ZSWIM5: variants seen among roughly 807,000 people sequenced by gnomAD.
ZSWIM5 encodes the protein zinc finger SWIM domain-containing protein 5.
ZSWIM5 carries 55 observed loss-of-function variants against 119.6 expected under a neutral mutation model. That is an observed-to-expected ratio of 0.46 (90% CI 0.37 to 0.58). ZSWIM5 has a LOEUF of 0.58. Among genes scored for constraint, ZSWIM5 ranks in the 20% least tolerant of loss-of-function variants. The pLI, the probability that ZSWIM5 is intolerant of heterozygous loss-of-function variation, is 0.00. For synonymous variants in ZSWIM5, 537 were observed against 606.9 expected, an observed-to-expected ratio of 0.88 and a Z score of 1.69; for missense variants, 1,193 against 1,512.8, an observed-to-expected ratio of 0.79 and a Z score of 3.51.
intron 1 of ZSWIM5, among the ~76,000 whole-genome samples, chr1:45,183,379 G>A (rs976579994): frequency 3.3e-5 from 5 of 151,836 alleles, no homozygotes; most frequent in Admixed American, 2.6e-4. Context: ...ACTAGCAGAA[G>A]GCAAGAAATA....
intron 1 of ZSWIM5, among the ~76,000 whole-genome samples, chr1:45,122,929 C>T (rs1385142240): frequency 6.6e-6 from 1 of 152,084 alleles, no homozygotes; most frequent in Non-Finnish European, 1.5e-5. Context: ...CAGATGAAGC[C>T]CAGTGGAAAA....
At chr1:45,028,625 A>G (rs7524004) in intron 11 of ZSWIM5, among the ~76,000 whole-genome samples, 150,709 of 152,080 alleles carry the variant, frequency 0.99, 74,691 homozygotes, top group Middle Eastern at 1. Flanking sequence ...GCATGGTGGC[A>G]GGCACCTGTA....
chr1:45,062,239 A>G (rs1357323389), intron 2 of ZSWIM5, among the ~76,000 whole-genome samples: 2 of 152,218 alleles, frequency 1.3e-5, no homozygotes, highest in South Asian at 2.1e-4. Context: ...TGGTCATGCC[A>G]TAGGTTACAA....
At chr1:45,129,990 C>T (rs578031960) in intron 1 of ZSWIM5, among the ~76,000 whole-genome samples, 158 of 152,182 alleles carry the variant, frequency 1.0e-3, no homozygotes, top group Non-Finnish European at 1.8e-3. Context: ...CTCCGCCTCC[C>T]GGGTTCAAGT....
At chr1:45,067,548 A>G (rs994774335) in intron 2 of ZSWIM5, among the ~76,000 whole-genome samples, 1 of 152,218 alleles carries the variant, frequency 6.6e-6, no homozygotes, top group African/African-American at 2.4e-5. Flanking sequence ...CAGAGATCAT[A>G]TAAAATAAGA....
At chr1:45,059,598 G>T (rs888657284) in intron 3 of ZSWIM5, among the ~76,000 whole-genome samples, 28 of 152,062 alleles carry the variant, frequency 1.8e-4, no homozygotes, top group Admixed American at 1.8e-3. Flanking sequence ...GGTGATGGTT[G>T]CATATAACTA....
intron 2 of ZSWIM5, among the ~76,000 whole-genome samples, chr1:45,076,465 T>G (rs1050501588): frequency 6.6e-6 from 1 of 152,216 alleles, no homozygotes; most frequent in Non-Finnish European, 1.5e-5. Context: ...GAGTTTCCAC[T>G]GAGAAGTCTG....
chr1:45,058,070 T>G (rs542167358), intron 4 of ZSWIM5, among the ~76,000 whole-genome samples: 134 of 152,270 alleles, frequency 8.8e-4, no homozygotes, highest in Middle Eastern at 3.4e-3. Flanking sequence ...AAATGGTCAG[T>G]GGACATCTAC....
rs140690848 is a variant in ZSWIM5 at position 45,035,717 on chromosome 1, C to A, written c.2262G>T (p.Leu754=). Residue 754 remains leucine (L), a synonymous_variant, in exon 10 of 14, where the codon CTG becomes CTT. Coordinates refer to ENST00000359600, the MANE Select transcript of ZSWIM5 (RefSeq NM_020883.2). ...FSALLPHDPD[L]SYKLALRAMR... ...TGGCACGTAAGGCTAATTTATAGGA[C>A]AGGTCTGGATCATGAGGCAGCAGAG... 1.2e-6 allele frequency: 2 copies of A among 1,613,846 alleles called. No individual in the cohort carries two copies.
At chr1:45,193,828 G>A (rs1274391732) in intron 1 of ZSWIM5, among the ~76,000 whole-genome samples, 1 of 152,016 alleles carries the variant, frequency 6.6e-6, no homozygotes, top group Non-Finnish European at 1.5e-5. Flanking sequence ...AACAACCTAT[G>A]AAGTAGGTAC....
intron 1 of ZSWIM5, 135 bp downstream of exon 1, chr1:45,205,621 G>C: frequency 1.0e-6 from 1 of 960,420 alleles, no homozygotes; most frequent in Non-Finnish European, 1.4e-6. Context: ...AAAAGTTTTT[G>C]TGACTTGTTC....
chr1:45,092,543 C>A (rs1017382216), intron 1 of ZSWIM5, among the ~76,000 whole-genome samples: 2 of 94,856 alleles, frequency 2.1e-5, no homozygotes, highest in African/African-American at 7.7e-5. Flanking sequence ...GATCCACCCC[C>A]CCCCCCCCGC....
In ZSWIM5 at chr1:45,058,639, C is replaced by G. The variant is rs77616762; in HGVS notation, c.1222G>C (p.Asp408His). 1.2e-6 allele frequency: 2 copies of G among 1,614,132 alleles called. No homozygotes were observed. Among genetic ancestry groups the G allele is most frequent in the African/African-American group, 2.7e-5 (2 of 74,944 alleles). ...LWRQQGTNMT[D>H]KCRQLWDELG... ...TCATCCCAGAGCTGCCTGCACTTGT[C>G]TGTCATGTTTGTTCCTTGCTGCCTC... Residue 408 changes from aspartate to histidine, a missense_variant, in exon 4 of 14, where the codon GAC (aspartate) becomes CAC (histidine). Asp to His is a moderately conservative substitution (Grantham distance 81, BLOSUM62 -1). Transcript: ENST00000359600.
chr1:45,110,793 A>G (rs531374860), intron 1 of ZSWIM5, among the ~76,000 whole-genome samples: 22 of 152,348 alleles, frequency 1.4e-4, no homozygotes, highest in African/African-American at 5.3e-4. Context: ...TCAGCAAGTT[A>G]GGACTCATAT....
chr1:45,148,297 A>C (rs1265229937), intron 1 of ZSWIM5, among the ~76,000 whole-genome samples: 1 of 152,220 alleles, frequency 6.6e-6, no homozygotes, highest in Non-Finnish European at 1.5e-5. Context: ...AGGCCTTCAA[A>C]GAGTGTTCAT....
At chr1:45,153,641 T>C (rs61788440) in intron 1 of ZSWIM5, among the ~76,000 whole-genome samples, 11,161 of 152,060 alleles carry the variant, frequency 0.073, 529 homozygotes, top group Non-Finnish European at 0.1. Flanking sequence ...CTATTCACAA[T>C]AGCAAAGACA....
At chr1:45,165,565 A>G (rs187050678) in intron 1 of ZSWIM5, among the ~76,000 whole-genome samples, 2,213 of 152,158 alleles carry the variant, frequency 0.015, 66 homozygotes, top group African/African-American at 0.051. Flanking sequence ...TTGATAGACC[A>G]CTAGCAAGAC....
chr1:45,204,384 T>C (rs922332190), intron 1 of ZSWIM5, among the ~76,000 whole-genome samples: 1 of 152,214 alleles, frequency 6.6e-6, no homozygotes, highest in Non-Finnish European at 1.5e-5. Context: ...TACATATTTA[T>C]TCAAGTCACT....
intron 1 of ZSWIM5, among the ~76,000 whole-genome samples, chr1:45,186,839 C>T (rs1382535592): frequency 6.6e-6 from 1 of 152,094 alleles, no homozygotes; most frequent in Admixed American, 6.6e-5. Flanking sequence ...GATCTACCTG[C>T]CCTAGTCCTC....
Sources: gnomAD v4.1 joint callset for allele counts (sites outside exome capture counted in the v4.1 genomes callset) on GRCh38, gnomAD v4.1.1 for gene constraint, MANE v1.5 for transcripts, NCBI Gene and HGNC (gene_info 2026-07-23, HGNC 2026-07-21) for gene names.